NRG1: variants seen among roughly 807,000 people sequenced by gnomAD.
NRG1 encodes the protein pro-neuregulin-1, membrane-bound isoform.
In NRG1, 18 loss-of-function variants were observed where a neutral mutation model predicts 63.8. The observed-to-expected ratio is 0.28, with a 90% CI of 0.19 to 0.42. The LOEUF is 0.42. Among genes scored for constraint, NRG1 ranks in the 10% least tolerant of loss-of-function variants. The pLI, the probability that NRG1 is intolerant of heterozygous loss-of-function variation, is 1.00. For missense variants in NRG1, 762 were observed against 814.7 expected (o/e 0.94, Z 0.79); for synonymous variants, 302 against 301.3 (o/e 1.00, Z -0.02).
chr8:31,855,864 A>C (rs1161219178), intron 1 of NRG1, among the ~76,000 whole-genome samples: 5 of 151,758 alleles, frequency 3.3e-5, no homozygotes, highest in African/African-American at 1.2e-4. Context: ...TTTCTCCTTC[A>C]CTTATGAAGC....
chr8:32,314,162 C>T (rs1243895752), intron 1 of NRG1, among the ~76,000 whole-genome samples: 5 of 149,534 alleles, frequency 3.3e-5, no homozygotes, highest in Non-Finnish European at 7.4e-5. Flanking sequence ...TTGCTTTATT[C>T]TGGGCCATGT....
intron 1 of NRG1, among the ~76,000 whole-genome samples, chr8:32,450,481 A>G (rs998029873): frequency 1.2e-4 from 18 of 152,110 alleles, no homozygotes; most frequent in Non-Finnish European, 2.9e-5. Context: ...CAGTCACGCA[A>G]TTACAGCTTA....
At chr8:32,657,955 C>A (rs750571753) in intron 5 of NRG1, among the ~76,000 whole-genome samples, 1 of 152,144 alleles carries the variant, frequency 6.6e-6, no homozygotes, top group South Asian at 2.1e-4. Context: ...GTCATGTAAT[C>A]TATAAAAGCT....
intron 1 of NRG1, among the ~76,000 whole-genome samples, chr8:32,412,463 T>TATATGTATATATATAC (rs1554532953): frequency 0.02 from 2,313 of 114,512 alleles, 91 homozygotes; most frequent in Non-Finnish European, 0.025. Context: ...CATATATATA[T>TATATGTATATATATAC]ATATATATAT....
At chr8:31,770,686 C>A (rs1169858490) in intron 1 of NRG1, among the ~76,000 whole-genome samples, 2 of 151,274 alleles carry the variant, frequency 1.3e-5, no homozygotes, top group Non-Finnish European at 2.9e-5. Flanking sequence ...TTAATGGGTG[C>A]AGCACACCAA....
chr8:32,761,620 T>C (rs1422851699), intron 11 of NRG1, among the ~76,000 whole-genome samples: 3 of 151,784 alleles, frequency 2.0e-5, no homozygotes, highest in Non-Finnish European at 2.9e-5. Context: ...TATTGTCATC[T>C]TAGTCTAATC....
intron 5 of NRG1, among the ~76,000 whole-genome samples, chr8:32,694,981 G>A (rs561056315): frequency 1.3e-3 from 204 of 152,238 alleles, no homozygotes; most frequent in Non-Finnish European, 2.3e-3. Context: ...CTGATGATGC[G>A]AAAGGTGAGA....
intron 1 of NRG1, among the ~76,000 whole-genome samples, chr8:32,178,945 A>G (rs10098189): frequency 0.037 from 5,676 of 152,116 alleles, 196 homozygotes; most frequent in African/African-American, 0.088. Flanking sequence ...TAAGAAAGCA[A>G]TCAGGATCTC....
intron 5 of NRG1, among the ~76,000 whole-genome samples, chr8:32,650,655 C>CAAAAAAAAAAAAAAAA (rs59103241): frequency 1.7e-5 from 1 of 57,818 alleles, no homozygotes. Context: ...TAATGGAAAG[C>CAAAAAAAAAAAAAAAA]AAAAAAAAAA....
At chr8:32,648,408 C>T (rs2129547001) in intron 5 of NRG1, 2 of 1,601,006 alleles carry the variant, frequency 1.2e-6, no homozygotes, top group Non-Finnish European at 1.7e-6. Flanking sequence ...GAGAGAGAGA[C>T]GATGATGATG....
Position 31,689,592 on chromosome 8 carries a change from G to T in NRG1, c.37+50161G>T, listed in dbSNP as rs534761507. Among the ~76,000 whole-genome samples the T allele has an allele frequency of 4.6e-5, 7 of 152,210 alleles. No individual in the cohort carries two copies. In the South Asian group the frequency reaches 1.5e-3, roughly 32 times the overall value. On this transcript the variant is annotated intron_variant, in intron 1 of 10. Transcript: ENST00000519301. The stretch of plus-strand genomic sequence containing the variant: ...GCCTCTGTTGCAGCTCTTCTGAAAT[G>T]TAATCATTGCTTTATTTCTTTATTT...
At chr8:31,766,482 A>C (rs138062903) in intron 1 of NRG1, among the ~76,000 whole-genome samples, 179 of 152,318 alleles carry the variant, frequency 1.2e-3, no homozygotes, top group African/African-American at 3.9e-3. Context: ...CTTACTCAGC[A>C]TTCACTTGAG....
At chr8:31,989,521 T>C (rs764552467) in intron 1 of NRG1, among the ~76,000 whole-genome samples, 2 of 152,038 alleles carry the variant, frequency 1.3e-5, no homozygotes, top group African/African-American at 2.4e-5. Context: ...TTTCCAAAGC[T>C]GCTATGCCTC....
In NRG1 at chr8:32,233,571, T is replaced by A. The variant is rs867858920; in HGVS notation, c.38-362257T>A. Among the ~76,000 whole-genome samples the A allele has an allele frequency of 2.6e-3, 304 of 116,672 alleles. 2 individuals are homozygous for A. The highest frequency in any genetic ancestry group is 9.2e-3 in the African/African-American group (283 of 30,802). The allele number at this position is 116,672 out of a possible 152,430, so 76.5% of individuals were successfully genotyped here. Reference sequence around the variant, plus strand: ...TATATATATATATATATATTTTTTTTTTTTTTTCTTTTGAAACGGTGTCTC... The same window carrying A: ...TATATATATATATATATATTTTTTTATTTTTTTCTTTTGAAACGGTGTCTC... On this transcript the variant is annotated intron_variant, in intron 1 of 10. Transcript: ENST00000519301.
chr8:31,881,537 C>T (rs931397198), intron 1 of NRG1, among the ~76,000 whole-genome samples: 1 of 152,150 alleles, frequency 6.6e-6, no homozygotes, highest in Non-Finnish European at 1.5e-5. Flanking sequence ...GGAAGAGTCA[C>T]ACATCTTTCA....
At chr8:32,407,304 A>AT (rs1370677112) in intron 1 of NRG1, among the ~76,000 whole-genome samples, 3 of 6,398 alleles carry the variant, frequency 4.7e-4, no homozygotes, top group South Asian at 5.9e-3. Context: ...TTATATATAT[A>AT]TATATATATA....
chr8:32,210,647 T>C lies in NRG1; in HGVS notation c.38-385181T>C, dbSNP rs115014142. ...TCATCACTAAAAAAGCCAAAGTAGT[T>C]GAAAGCAAACACTAGCTGAATTTTC... On this transcript the variant is annotated intron_variant, in intron 1 of 10. Coordinates refer to the NRG1 transcript ENST00000519301. Among the ~76,000 whole-genome samples, 458 of 152,296 alleles carry C rather than the reference T, an allele frequency of 3.0e-3. 2 individuals are homozygous for C. Among genetic ancestry groups the C allele is most frequent in the African/African-American group, 0.01 (436 of 41,564 alleles).
Position 31,640,818 on chromosome 8 carries a change from C to G in NRG1, c.37+1387C>G. On this transcript the variant is annotated intron_variant, in intron 1 of 10. Coordinates refer to the NRG1 transcript ENST00000519301. This position sits in a 1 kb window ranked among gnomAD's most constrained non-coding sequence, Gnocchi z 6.3. ...CAGCGGGGCTCGACGGCCGCCCGAG[C>G]AAGGCAGAGGCGCTCTGGGTCCCAG... is the stretch of plus-strand genomic sequence containing the variant. The G allele has an allele frequency of 7.0e-7, 1 of 1,427,994 alleles. No homozygotes were observed. Among genetic ancestry groups the G allele is most frequent in the Non-Finnish European group, 9.1e-7 (1 of 1,092,904 alleles). The allele number at this position is 1,427,994 out of a possible 1,614,324, so 88.5% of individuals were successfully genotyped here.
At chr8:32,108,732 G>A (rs1266992911) in intron 1 of NRG1, among the ~76,000 whole-genome samples, 1 of 152,016 alleles carries the variant, frequency 6.6e-6, no homozygotes, top group African/African-American at 2.4e-5. Flanking sequence ...CACCATTGCT[G>A]ACTTTGAAGA....
Sources: gnomAD v4.1 joint callset for allele counts (sites outside exome capture counted in the v4.1 genomes callset) on GRCh38, gnomAD v4.1.1 for gene constraint, Gnocchi (gnomAD v3.1) non-coding constraint, MANE v1.5 for transcripts, NCBI Gene and HGNC (gene_info 2026-07-23, HGNC 2026-07-21) for gene names.